The following SYNPR variants were observed in gnomAD, a reference collection of about 807,000 sequenced individuals.
The protein encoded by SYNPR is synaptoporin.
SYNPR carries 23 observed loss-of-function variants against 32.9 expected under a neutral mutation model. That is an observed-to-expected ratio of 0.70 (90% confidence interval 0.50 to 0.99). The LOEUF (loss-of-function observed/expected upper bound fraction) is 0.99, where lower values mean the gene tolerates loss of function less well. Ranked by LOEUF, SYNPR falls within the 50% of genes least tolerant of loss-of-function variation. The pLI is 0.00. For synonymous variants in SYNPR, 146 were observed against 135.9 expected (o/e 1.07, Z -0.52); for missense variants, 318 against 349.3 (o/e 0.91, Z 0.71).
chr3:63,556,471 G>A (rs1702595892), intron 3 of SYNPR, 72 bp from the exon 4 acceptor site: 1 of 1,380,798 alleles, frequency 7.2e-7, no homozygotes, highest in Non-Finnish European at 9.8e-7. Flanking sequence ...TGCTTTAGAA[G>A]ATGTAGACAC....
chr3:63,344,797 C>A (rs192694000), intron 2 of SYNPR, among the ~76,000 whole-genome samples: 1 of 151,856 alleles, frequency 6.6e-6, no homozygotes, highest in Non-Finnish European at 1.5e-5. Flanking sequence ...AGCTCCGAGG[C>A]TAGGGCTTTT....
intron 3 of SYNPR, among the ~76,000 whole-genome samples, chr3:63,494,461 A>G (rs1162285698): frequency 0.019 from 2,493 of 129,168 alleles, 67 homozygotes; most frequent in East Asian, 0.03. Flanking sequence ...ATATATATAC[A>G]TATATACACA....
At position 63,265,805 on chromosome 3, in the gene SYNPR, G is replaced by A. The variant is rs187743177; in HGVS notation, n.155-1512G>A. ...CACCACTGTTGTCCTAATACCTAGTGAAGTGTTTATGTTGAGTAGACATTC... is the reference window on the plus strand; with the variant it reads ...CACCACTGTTGTCCTAATACCTAGTAAAGTGTTTATGTTGAGTAGACATTC... On this transcript the variant is annotated intron_variant and non_coding_transcript_variant, in intron 2 of 4. Transcript: ENST00000478456. Among the ~76,000 whole-genome samples, 361 of 152,252 alleles carry A rather than the reference G, an allele frequency of 2.4e-3. 1 individual carries two copies. The highest frequency in any genetic ancestry group is 4.1e-3 in the Non-Finnish European group (278 of 68,006).
At chr3:63,484,514 G>A (rs1008908019) in intron 3 of SYNPR, among the ~76,000 whole-genome samples, 2 of 152,144 alleles carry the variant, frequency 1.3e-5, no homozygotes, top group Non-Finnish European at 2.9e-5. Context: ...AGAGTTCAGA[G>A]GTTAGGGGGC....
intron 4 of SYNPR, among the ~76,000 whole-genome samples, chr3:63,595,833 T>TTTTA (rs1553650722): frequency 3.6e-5 from 2 of 56,318 alleles, no homozygotes; most frequent in African/African-American, 1.8e-4. Flanking sequence ...ATATATATAG[T>TTTTA]TATATATATA....
upstream of SYNPR, among the ~76,000 whole-genome samples, chr3:63,225,860 A>G (rs1227992766): frequency 6.6e-6 from 1 of 152,182 alleles, no homozygotes; most frequent in Non-Finnish European, 1.5e-5. Context: ...TGACAGAGTG[A>G]AGAGACAACT....
chr3:63,507,642 A>G (rs1701615194), intron 3 of SYNPR, among the ~76,000 whole-genome samples: 1 of 152,206 alleles, frequency 6.6e-6, no homozygotes, highest in Non-Finnish European at 1.5e-5. Flanking sequence ...GAGAAAGGAC[A>G]TTATTAGGAA....
chr3:63,279,083 GC>G (rs1428954765), intron 2 of SYNPR, among the ~76,000 whole-genome samples: 54 of 152,138 alleles, frequency 3.5e-4, no homozygotes, highest in Non-Finnish European at 7.6e-4. Flanking sequence ...CTGGGTTCTG[GC>G]CCCTCACCTG....
At position 63,609,207 on chromosome 3, in the gene SYNPR, T is replaced by C. The variant is rs770172955; in HGVS notation, c.491T>C (p.Val164Ala). ...GCAAAAGGACTGTCTGACGTCAAAG[T>C]TGCAACGGATCCCAAGGAAGTATTG... ...AWAKGLSDVKVATDPKEVLLL... is the reference protein window; with the variant it reads ...AWAKGLSDVKAATDPKEVLLL... The change falls in exon 5 of 6, where the codon GTT (valine) becomes GCT (alanine). Residue 164 changes from valine (V) to alanine (A), a missense_variant. Val to Ala is a moderately conservative substitution (Grantham distance 64). Transcript: ENST00000478300. The C allele has an allele frequency of 6.2e-7, 1 of 1,610,620 alleles. No individual in the cohort carries two copies. The highest frequency in any genetic ancestry group is 1.7e-5 in the Admixed American group (1 of 59,520).
the SYNPR span, among the ~76,000 whole-genome samples, chr3:63,222,227 C>T: frequency 4.0e-5 from 6 of 151,456 alleles, no homozygotes; most frequent in Admixed American, 3.9e-4. Flanking sequence ...GCAAAGCATC[C>T]AAATGATTCA....
intron 2 of SYNPR, among the ~76,000 whole-genome samples, chr3:63,295,512 A>G (rs1033813307): frequency 1.3e-5 from 2 of 152,196 alleles, no homozygotes; most frequent in Non-Finnish European, 2.9e-5. Flanking sequence ...CAGAGATTCA[A>G]TTCCTTTGTC....
At chr3:63,433,929 A>G (rs928883718) in intron 2 of SYNPR, among the ~76,000 whole-genome samples, 8 of 151,972 alleles carry the variant, frequency 5.3e-5, no homozygotes, top group African/African-American at 1.9e-4. Context: ...CTTTAGACCA[A>G]CTCCATTCCT....
At chr3:63,221,769 T>G in the SYNPR span, among the ~76,000 whole-genome samples, 3 of 152,170 alleles carry the variant, frequency 2.0e-5, no homozygotes, top group Non-Finnish European at 4.4e-5. Flanking sequence ...ACTGTCTAGC[T>G]GTATAACCTC....
At chr3:63,448,490 A>G (rs892255093) in intron 2 of SYNPR, among the ~76,000 whole-genome samples, 2 of 152,200 alleles carry the variant, frequency 1.3e-5, no homozygotes, top group Non-Finnish European at 2.9e-5. Context: ...TCACTTCTCA[A>G]TGTTGAACCC....
At chr3:63,253,857 C>A (rs33942124) in intron 2 of SYNPR, among the ~76,000 whole-genome samples, 35,508 of 152,102 alleles carry the variant, frequency 0.23, 4,447 homozygotes, top group South Asian at 0.39. Context: ...ACTGTAAAGA[C>A]ACATGCATAT....
intron 2 of SYNPR, among the ~76,000 whole-genome samples, chr3:63,386,879 G>A (rs2088053403): frequency 6.6e-6 from 1 of 152,228 alleles, no homozygotes; most frequent in Non-Finnish European, 1.5e-5. Context: ...GCTCAGGTCA[G>A]AGGAAAGCCT....
rs947238061 is a variant in SYNPR at position 63,575,458 on chromosome 3, G to A, written c.408+18717G>A. ...ATTAGCCCCCCTCAGTCACCAAGGGGTCTCCCTGCTTAGGAACCAATTAGA... is the reference window on the plus strand; with the variant it reads ...ATTAGCCCCCCTCAGTCACCAAGGGATCTCCCTGCTTAGGAACCAATTAGA... On this transcript the variant is annotated intron_variant, in intron 4 of 5. Coordinates refer to ENST00000478300, the MANE Select transcript of SYNPR (RefSeq NM_001130003.2). Among the ~76,000 whole-genome samples the A allele has an allele frequency of 3.9e-5, 6 of 152,058 alleles. No homozygotes were observed. In the East Asian group the frequency reaches 9.7e-4, roughly 25 times the overall value.
chr3:63,418,764 C>T (rs1472450387), intron 2 of SYNPR, among the ~76,000 whole-genome samples: 1 of 152,100 alleles, frequency 6.6e-6, no homozygotes, highest in Non-Finnish European at 1.5e-5. Context: ...TGGTAAAGAC[C>T]TCCTCCCATG....
chr3:63,201,207 A>C, the SYNPR span, among the ~76,000 whole-genome samples: 1 of 152,150 alleles, frequency 6.6e-6, no homozygotes, highest in East Asian at 1.9e-4. Flanking sequence ...TTATAAGATA[A>C]AGAATATGTC....
Sources: gnomAD v4.1 joint callset for allele counts (sites outside exome capture counted in the v4.1 genomes callset) on GRCh38, gnomAD v4.1.1 for gene constraint, MANE v1.5 for transcripts, NCBI Gene and HGNC (gene_info 2026-07-23, HGNC 2026-07-21) for gene names.